Variants in GSN observed in about 807,000 individuals in gnomAD.
GSN encodes the protein actin-depolymerizing factor.
A neutral mutation model predicts 85.7 loss-of-function variants in GSN; 56 were observed. The ratio of observed to expected loss-of-function variants is 0.65; its 90% CI spans 0.53 to 0.82. The LOEUF is 0.82. Ranked by LOEUF, GSN falls within the 40% of genes least tolerant of loss-of-function variation. GSN has a pLI of 0.00. For synonymous variants in GSN, 373 were observed against 399.1 expected, an observed-to-expected ratio of 0.93 and a Z score of 0.78; for missense variants, 857 against 979.8, an observed-to-expected ratio of 0.87 and a Z score of 1.67.
intron 2 of GSN, among the ~76,000 whole-genome samples, chr9:121,286,937 T>C (rs1456996913): frequency 6.6e-6 from 1 of 152,168 alleles, no homozygotes; most frequent in Non-Finnish European, 1.5e-5. Flanking sequence ...AACAAGACAA[T>C]GCTTATAAAG....
intron 2 of GSN, among the ~76,000 whole-genome samples, chr9:121,300,678 G>A (rs1161201380): frequency 6.6e-6 from 1 of 152,114 alleles, no homozygotes; most frequent in Non-Finnish European, 1.5e-5. Context: ...ATGTGTAATA[G>A]CCTCCCCATT....
chr9:121,317,305 A>C (rs1469149961), intron 8 of GSN, 87 bp downstream of exon 8: 1 of 1,374,788 alleles, frequency 7.3e-7, no homozygotes, highest in African/African-American at 1.4e-5. Context: ...GCTCCCGGGG[A>C]GTGTGGAGTG....
chr9:121,332,361 GAGTCA>G lies in GSN; in HGVS notation c.2027-72_2027-68del, dbSNP rs1333200522. On this transcript the variant is annotated intron_variant, in intron 17 of 17. Coordinates refer to ENST00000432226, the MANE Select transcript of GSN (RefSeq NM_198252.3). The surrounding 1 kb of genome is among the most constrained non-coding windows in gnomAD (Gnocchi z 4.8). ...CCTCTTCTTTGTCAACTCCTGTCCT[GAGTCA>G]CCCTCTCCCTGGTGTGGGAGGCACT... 2.3e-6 allele frequency: 3 copies of G among 1,330,346 alleles called. No homozygotes were observed. The Admixed American group carries it at 5.0e-5, about 22-fold the overall frequency. 82.4% of individuals were successfully genotyped at this position (1,330,346 alleles called of 1,614,324 possible). A position where few individuals can be genotyped will look rare whatever the true frequency, so the allele number is the denominator to read the frequency against.
At chr9:121,245,793 G>A (rs949762343) in intron 5 of GSN, among the ~76,000 whole-genome samples, 2 of 152,204 alleles carry the variant, frequency 1.3e-5, no homozygotes, top group Admixed American at 6.5e-5. Context: ...CCAGGCTGGA[G>A]TGCAGAGGCT....
intron 5 of GSN, among the ~76,000 whole-genome samples, chr9:121,235,148 C>T (rs916043672): frequency 1.4e-4 from 21 of 152,178 alleles, no homozygotes; most frequent in Non-Finnish European, 2.5e-4. Context: ...AGCAACTCCC[C>T]GAATCCGAGT....
intron 5 of GSN, among the ~76,000 whole-genome samples, chr9:121,236,103 G>T (rs2054486798): frequency 6.6e-6 from 1 of 152,212 alleles, no homozygotes; most frequent in African/African-American, 2.4e-5. Flanking sequence ...CTGTTCTCCA[G>T]ACCGCACTCC....
rs1463778235 is a variant in GSN, at chr9:121,257,207, GGAAAA to G, written c.-340-7940_-340-7936del. On this transcript the variant is annotated intron_variant, in intron 6 of 24. Coordinates refer to the GSN transcript ENST00000373823. ...AGTAATCATTATATATATACTCTACGGAAAAGAAAAGTATGATAATTAATAGTAAC... is the reference window on the plus strand; with the variant it reads ...AGTAATCATTATATATATACTCTACGGAAAAGTATGATAATTAATAGTAAC... 2.6e-5 allele frequency among the ~76,000 whole-genome samples: 4 copies of G among 151,898 alleles called. No individual in the cohort carries two copies. The South Asian group carries it at 6.2e-4, about 24-fold the overall frequency.
chr9:121,293,712 A>G (rs1458235333), intron 2 of GSN, among the ~76,000 whole-genome samples: 1 of 152,050 alleles, frequency 6.6e-6, no homozygotes, highest in Non-Finnish European at 1.5e-5. Flanking sequence ...AAAAAAAAAA[A>G]AAAGAAAGGC....
At chr9:121,206,208 T>C (rs2053878997), upstream of GSN, among the ~76,000 whole-genome samples, 1 of 152,190 alleles carries the variant, frequency 6.6e-6, no homozygotes. Context: ...CAGTGATACA[T>C]AATTTAATTA....
intron 1 of GSN, among the ~76,000 whole-genome samples, chr9:121,270,391 A>T (rs2055765409): frequency 1.3e-5 from 2 of 152,218 alleles, no homozygotes; most frequent in African/African-American, 4.8e-5. Flanking sequence ...GGAGGCAGGA[A>T]GGCCCTGAGG....
chr9:121,250,354 G>A (rs1485749124), intron 6 of GSN, among the ~76,000 whole-genome samples: 1 of 152,014 alleles, frequency 6.6e-6, no homozygotes, highest in Non-Finnish European at 1.5e-5. Context: ...ACAGGTGCCT[G>A]CCACTACACC....
chr9:121,269,096 A>T (rs529654909), intron 1 of GSN, among the ~76,000 whole-genome samples: 1 of 152,230 alleles, frequency 6.6e-6, no homozygotes, highest in Non-Finnish European at 1.5e-5. Flanking sequence ...GAGCTTTAAA[A>T]CACCCAGAAC....
At chr9:121,245,226 T>A (rs1333598646) in intron 5 of GSN, among the ~76,000 whole-genome samples, 1 of 152,208 alleles carries the variant, frequency 6.6e-6, no homozygotes, top group Non-Finnish European at 1.5e-5. Flanking sequence ...TATGTTGATG[T>A]CCTTAAAAAT....
intron 4 of GSN, among the ~76,000 whole-genome samples, chr9:121,304,419 C>A (rs1334285892): frequency 6.6e-6 from 1 of 152,224 alleles, no homozygotes; most frequent in African/African-American, 2.4e-5. Context: ...GGAGCCAGTC[C>A]CCTGAGCTGG....
chr9:121,228,558 C>T (rs946413169), intron 4 of GSN, among the ~76,000 whole-genome samples: 5 of 150,576 alleles, frequency 3.3e-5, no homozygotes, highest in Non-Finnish European at 5.9e-5. Context: ...CTCAGCCTCC[C>T]AGGTAGCTGG....
At chr9:121,233,758 G>T (rs1358972364) in intron 5 of GSN, among the ~76,000 whole-genome samples, 1 of 152,182 alleles carries the variant, frequency 6.6e-6, no homozygotes, top group Admixed American at 6.5e-5. Context: ...AGCCAAAAGA[G>T]ACCCTAAAAC....
Position 121,324,561 on chromosome 9 carries a change from G to A in GSN, c.1333G>A (p.Ala445Thr). The A allele has an allele frequency of 6.6e-7, 1 of 1,519,910 alleles. No homozygotes were observed. 94.2% of individuals were successfully genotyped at this position (1,519,910 alleles called of 1,614,324 possible). Reference protein sequence around the residue: ...QGQIIYNWQGAQSTQDEVAAS... With the variant: ...QGQIIYNWQGTQSTQDEVAAS... ...TCTCACTTCCCCTTCCAGGCAGGGT[G>A]CCCAGTCTACCCAGGATGAGGTCGC... Residue 445 changes from alanine (A) to threonine (T), a missense_variant, in exon 12 of 18, where the codon GCC (alanine) becomes ACC (threonine). Coordinates refer to ENST00000432226, the MANE Select transcript of GSN (RefSeq NM_198252.3).
upstream of GSN, among the ~76,000 whole-genome samples, chr9:121,206,717 C>CATGAAAA (rs1227143392): frequency 6.7e-6 from 1 of 149,676 alleles, no homozygotes; most frequent in Non-Finnish European, 1.5e-5. Context: ...GGCCATGTTA[C>CATGAAAA]ATGAAAAAAA....
In GSN at chr9:121,324,556, AG is replaced by A. The variant is rs2062911129; in HGVS notation, c.1331del (p.Gly444ValfsTer15). ...GRQGQIIYNW[Q>X]GAQSTQDEVA... ...CTGAATCTCACTTCCCCTTCCAGGCAGGGTGCCCAGTCTACCCAGGATGAGG... is the reference window on the plus strand; with the variant it reads ...CTGAATCTCACTTCCCCTTCCAGGCAGGTGCCCAGTCTACCCAGGATGAGG... On this transcript the variant is annotated frameshift_variant, in exon 12 of 18. Coordinates refer to ENST00000432226, the MANE Select transcript of GSN (RefSeq NM_198252.3). LOFTEE classifies it high-confidence loss of function. The A allele has an allele frequency of 1.3e-6, 2 of 1,508,414 alleles. No individual in the cohort carries two copies. The highest frequency in any genetic ancestry group is 1.4e-5 in the African/African-American group (1 of 72,200). 93.4% of individuals were successfully genotyped at this position (1,508,414 alleles called of 1,614,324 possible).
Sources: gnomAD v4.1 joint callset for allele counts (sites outside exome capture counted in the v4.1 genomes callset) on GRCh38, gnomAD v4.1.1 for gene constraint, Gnocchi (gnomAD v3.1) non-coding constraint, MANE v1.5 for transcripts, NCBI Gene and HGNC (gene_info 2026-07-23, HGNC 2026-07-21) for gene names.